The following FGF12 variants were observed in gnomAD, a reference collection of about 807,000 sequenced individuals.
The protein encoded by FGF12 is fibroblast growth factor 12.
Under a neutral mutation model 23.6 loss-of-function variants are expected in FGF12, and 14 were observed. The ratio of observed to expected loss-of-function variants is 0.59; its 90% CI spans 0.39 to 0.93. FGF12 has a LOEUF of 0.93. FGF12 is among the 40% of genes least tolerant of loss of function. The probability of loss-of-function intolerance (pLI) is 0.00; values close to 1 mark genes in which losing one functional copy is unlikely to be tolerated. For missense variants in FGF12, 175 were observed against 217.8 expected (o/e 0.80, Z 1.24); for synonymous variants, 62 against 77.3 (o/e 0.80, Z 1.04).
At chr3:192,596,021 A>T (rs1713826164) in intron 2 of FGF12, among the ~76,000 whole-genome samples, 1 of 151,370 alleles carries the variant, frequency 6.6e-6, no homozygotes. Context: ...TGAGCCAGGG[A>T]GGCGGGGGTT....
At chr3:192,594,815 A>T (rs182469090) in intron 2 of FGF12, among the ~76,000 whole-genome samples, 23 of 152,074 alleles carry the variant, frequency 1.5e-4, no homozygotes, top group Non-Finnish European at 2.9e-4. Context: ...CCAGAACTGT[A>T]AGAAATAAAT....
chr3:192,191,082 G>T (rs1228430165), intron 4 of FGF12, among the ~76,000 whole-genome samples: 1 of 152,104 alleles, frequency 6.6e-6, no homozygotes, highest in Admixed American at 6.5e-5. Context: ...TTTCTTGAAG[G>T]TACATCTTTC....
chr3:192,520,160 G>A (rs531270130), intron 2 of FGF12, among the ~76,000 whole-genome samples: 2 of 152,184 alleles, frequency 1.3e-5, no homozygotes, highest in Non-Finnish European at 2.9e-5. Flanking sequence ...ACACATACAC[G>A]TACATCATAT....
At chr3:192,593,524 C>T (rs1435808029) in intron 2 of FGF12, among the ~76,000 whole-genome samples, 1 of 151,876 alleles carries the variant, frequency 6.6e-6, no homozygotes. Context: ...ATACCCAGTG[C>T]CTGGCACTTT....
At chr3:192,387,960 T>C (rs1005925600) in intron 2 of FGF12, among the ~76,000 whole-genome samples, 1 of 152,142 alleles carries the variant, frequency 6.6e-6, no homozygotes, top group Non-Finnish European at 1.5e-5. Context: ...AGTTATTTTA[T>C]ATAATTGAAC....
At chr3:192,239,093 A>T (rs1338166135) in intron 4 of FGF12, among the ~76,000 whole-genome samples, 1 of 152,204 alleles carries the variant, frequency 6.6e-6, no homozygotes, top group Admixed American at 6.5e-5. Flanking sequence ...ACGAAAAGAC[A>T]TGAGGTCTAT....
At chr3:192,570,678 A>T (rs532065099) in intron 2 of FGF12, among the ~76,000 whole-genome samples, 55 of 152,290 alleles carry the variant, frequency 3.6e-4, no homozygotes, top group African/African-American at 1.2e-3. Flanking sequence ...ATCTAGTAGT[A>T]TGCAGATCCC....
chr3:192,486,287 T>A (rs1723630539), intron 2 of FGF12, among the ~76,000 whole-genome samples: 1 of 152,128 alleles, frequency 6.6e-6, no homozygotes, highest in Non-Finnish European at 1.5e-5. Flanking sequence ...AGACAGATAA[T>A]TAACATGAAA....
rs1457410131 is a variant in FGF12 at position 192,514,951 on chromosome 3, C to T, written c.14-154413G>A. 3.6e-6 allele frequency: 3 copies of T among 832,066 alleles called. No individual in the cohort carries two copies. Among genetic ancestry groups the T allele is most frequent in the Non-Finnish European group, 4.3e-6 (3 of 690,090 alleles). The allele number at this position is 832,066 out of a possible 1,614,324, so 51.5% of individuals were successfully genotyped here. On this transcript the variant is annotated intron_variant, in intron 2 of 5. Coordinates refer to ENST00000445105, the MANE Select transcript of FGF12 (RefSeq NM_004113.6). The surrounding 1 kb of genome is among the most constrained non-coding windows in gnomAD (Gnocchi z 4.9). ...GCCGGGACGCGGAAGTGCCGGTCCGCCGGGGGCAGCCCTCCGAGAGCCCGA... is the reference window on the plus strand; with the variant it reads ...GCCGGGACGCGGAAGTGCCGGTCCGTCGGGGGCAGCCCTCCGAGAGCCCGA...
At chr3:192,619,793 A>T (rs1372529294) in intron 2 of FGF12, among the ~76,000 whole-genome samples, 1 of 152,174 alleles carries the variant, frequency 6.6e-6, no homozygotes. Context: ...AATACTTGTT[A>T]GACCTATGTT....
intron 2 of FGF12, among the ~76,000 whole-genome samples, chr3:192,454,894 T>A (rs539624437): frequency 1.3e-5 from 2 of 152,296 alleles, no homozygotes; most frequent in South Asian, 4.1e-4. Flanking sequence ...ATTACAAGGC[T>A]CAACATCTAT....
chr3:192,146,321 AG>A (rs1202214366), intron 5 of FGF12, among the ~76,000 whole-genome samples: 1 of 141,276 alleles, frequency 7.1e-6, no homozygotes, highest in African/African-American at 2.7e-5. Flanking sequence ...CCCAGGCTGG[AG>A]TGCTTTGGTG....
intron 2 of FGF12, among the ~76,000 whole-genome samples, chr3:192,485,464 C>T (rs1194740402): frequency 2.6e-5 from 4 of 152,118 alleles, no homozygotes; most frequent in African/African-American, 9.7e-5. Flanking sequence ...AATCCCAGCT[C>T]TAGGAATACC....
intron 4 of FGF12, among the ~76,000 whole-genome samples, chr3:192,170,860 GCC>G (rs1473580461): frequency 6.6e-6 from 1 of 152,138 alleles, no homozygotes; most frequent in Non-Finnish European, 1.5e-5. Flanking sequence ...CCAACCTTCA[GCC>G]CAGAGATAAT....
chr3:192,294,563 C>A (rs1298293027), intron 4 of FGF12, among the ~76,000 whole-genome samples: 1 of 152,146 alleles, frequency 6.6e-6, no homozygotes, highest in Non-Finnish European at 1.5e-5. Flanking sequence ...TTGGAAGAAG[C>A]ACAGATATCA....
intron 4 of FGF12, among the ~76,000 whole-genome samples, chr3:192,211,917 C>A (rs887295931): frequency 7.2e-5 from 11 of 152,054 alleles, no homozygotes; most frequent in African/African-American, 2.7e-4. Context: ...TAGGAAAACA[C>A]GAAAGTTTAG....
intron 2 of FGF12, among the ~76,000 whole-genome samples, chr3:192,387,498 T>C (rs1203858169): frequency 1.3e-5 from 2 of 152,166 alleles, no homozygotes; most frequent in Non-Finnish European, 2.9e-5. Context: ...AAATGATTTC[T>C]TTTTATTACT....
At chr3:192,471,428 T>A (rs1222833924) in intron 2 of FGF12, among the ~76,000 whole-genome samples, 1 of 152,214 alleles carries the variant, frequency 6.6e-6, no homozygotes, top group African/African-American at 2.4e-5. Context: ...TATTCAATTC[T>A]ATATATAATG....
At chr3:192,670,539 G>T (rs1464305220) in intron 2 of FGF12, among the ~76,000 whole-genome samples, 1 of 152,014 alleles carries the variant, frequency 6.6e-6, no homozygotes, top group Non-Finnish European at 1.5e-5. Flanking sequence ...AATATAAATT[G>T]CCATACAATA....
Sources: allele counts gnomAD v4.1 joint callset (sites outside exome capture counted in the v4.1 genomes callset), GRCh38; gene constraint gnomAD v4.1.1; non-coding constraint Gnocchi (gnomAD v3.1); transcripts MANE v1.5; gene names NCBI Gene and HGNC (gene_info 2026-07-23, HGNC 2026-07-21).